NTNG1: variants seen among roughly 807,000 people sequenced by gnomAD.
NTNG1 encodes the protein netrin G1, also known as netrin-G1.
Under a neutral mutation model 54.0 loss-of-function variants are expected in NTNG1, and 16 were observed. That is an observed-to-expected ratio of 0.30 (90% CI 0.20 to 0.45). The LOEUF is 0.45. NTNG1 is among the 20% of genes least tolerant of loss of function. NTNG1 has a pLI of 1.00. For missense variants in NTNG1, 530 were observed against 678.7 expected (o/e 0.78, Z 2.43); for synonymous variants, 255 against 263.1 (o/e 0.97, Z 0.30).
chr1:107,266,656 A>G (rs941208951), intron 2 of NTNG1, among the ~76,000 whole-genome samples: 27 of 150,986 alleles, frequency 1.8e-4, no homozygotes, highest in Admixed American at 5.9e-4. Context: ...TGTTACAACT[A>G]CATAACCTGG....
At chr1:107,478,876 C>G (rs1311309785) in intron 7 of NTNG1, among the ~76,000 whole-genome samples, 7 of 152,244 alleles carry the variant, frequency 4.6e-5, no homozygotes, top group Admixed American at 4.6e-4. Context: ...GACCATGAGG[C>G]TAACCACCCT....
At chr1:107,357,213 T>C (rs1005978754) in intron 3 of NTNG1, among the ~76,000 whole-genome samples, 2 of 152,178 alleles carry the variant, frequency 1.3e-5, no homozygotes, top group Admixed American at 6.5e-5. Flanking sequence ...TTATGCCCTA[T>C]AGTATATGAG....
intron 1 of NTNG1, chr1:107,141,347 CGGGCTCCGCTGCTGCGGCCGCCGCCCGA>C (rs1653672229): frequency 6.7e-6 from 1 of 149,874 alleles, no homozygotes; most frequent in South Asian, 2.1e-4. Flanking sequence ...ACGCCGCCCG[CGGGCTCCGCTGCTGCGGCCGCCGCCCGA>C]GGCGGACCAG....
chr1:107,482,963 T>C lies in NTNG1; in HGVS notation c.*2123T>C, dbSNP rs1678817642. On this transcript the variant is annotated 3_prime_UTR_variant, in exon 8 of 8. Coordinates refer to ENST00000370068, the MANE Select transcript of NTNG1 (RefSeq NM_001113226.3). ...AGAAATAAGGAAAGATGGAAATAAA[T>C]TAGAGCTTAGGCTTAGTGCCAGAGT... 6.6e-6 allele frequency: 1 copy of C among 152,156 alleles called. No homozygotes were observed. The highest frequency in any genetic ancestry group is 1.9e-4 in the East Asian group (1 of 5,202). 9.4% of individuals were successfully genotyped at this position (152,156 alleles called of 1,614,324 possible).
At chr1:107,459,634 G>A (rs1020895411) in intron 7 of NTNG1, among the ~76,000 whole-genome samples, 2 of 152,116 alleles carry the variant, frequency 1.3e-5, no homozygotes. Context: ...ACAGGTTGGG[G>A]GAGGACTTAG....
intron 3 of NTNG1, among the ~76,000 whole-genome samples, chr1:107,370,828 A>T (rs1231440490): frequency 1.3e-5 from 2 of 152,010 alleles, no homozygotes; most frequent in Non-Finnish European, 2.9e-5. Flanking sequence ...ATTTAATCGT[A>T]AGTATTTTAT....
intron 3 of NTNG1, among the ~76,000 whole-genome samples, chr1:107,333,052 A>C (rs555539232): frequency 6.6e-6 from 1 of 152,020 alleles, no homozygotes; most frequent in South Asian, 2.1e-4. Context: ...CACAAACCCT[A>C]CTGGTCCAGA....
chr1:107,189,926 T>C (rs1272062386), intron 2 of NTNG1, among the ~76,000 whole-genome samples: 2 of 152,114 alleles, frequency 1.3e-5, no homozygotes, highest in African/African-American at 4.8e-5. Context: ...CAAATATCCA[T>C]TGACAGATGA....
intron 2 of NTNG1, among the ~76,000 whole-genome samples, chr1:107,170,397 T>A (rs1358459637): frequency 2.0e-5 from 3 of 152,272 alleles, no homozygotes; most frequent in African/African-American, 7.2e-5. Context: ...ATTATTTTAT[T>A]TATCTTTATG....
chr1:107,207,881 G>T (rs1282702173), intron 2 of NTNG1, among the ~76,000 whole-genome samples: 1 of 152,098 alleles, frequency 6.6e-6, no homozygotes. Context: ...ACATGCCATG[G>T]ACTTAAACAT....
chr1:107,150,687 C>T (rs747044974), intron 2 of NTNG1, among the ~76,000 whole-genome samples: 2 of 152,144 alleles, frequency 1.3e-5, no homozygotes, highest in East Asian at 1.9e-4. Flanking sequence ...TGATCTCAGT[C>T]TCTGGCCAGA....
intron 3 of NTNG1, among the ~76,000 whole-genome samples, chr1:107,384,362 A>G (rs1209247315): frequency 6.6e-6 from 1 of 152,128 alleles, no homozygotes; most frequent in Non-Finnish European, 1.5e-5. Flanking sequence ...AAGATGTCTA[A>G]CTCATTTATT....
intron 2 of NTNG1, among the ~76,000 whole-genome samples, chr1:107,287,085 A>C (rs1665246794): frequency 6.6e-6 from 1 of 152,162 alleles, no homozygotes; most frequent in Non-Finnish European, 1.5e-5. Context: ...TTTCATATGT[A>C]GTATACCTAT....
intron 7 of NTNG1, among the ~76,000 whole-genome samples, chr1:107,475,953 T>G (rs1275617397): frequency 6.6e-6 from 1 of 152,212 alleles, no homozygotes; most frequent in Non-Finnish European, 1.5e-5. Flanking sequence ...TACTTTAGAC[T>G]GACATCCAAA....
intron 4 of NTNG1, among the ~76,000 whole-genome samples, chr1:107,396,095 T>C (rs1452608248): frequency 2.6e-5 from 4 of 152,168 alleles, no homozygotes; most frequent in Non-Finnish European, 5.9e-5. Flanking sequence ...ATTCCATGGA[T>C]GGACCAATTA....
chr1:107,324,274 T>G lies in NTNG1; in HGVS notation c.247-8T>G. On this transcript the variant is annotated splice_region_variant and splice_polypyrimidine_tract_variant and intron_variant, in intron 2 of 7. Coordinates refer to ENST00000370068, the MANE Select transcript of NTNG1 (RefSeq NM_001113226.3). ...TTTGATGCACGCTCTTTTGTTCTTC[T>G]TCCATAGGGCAATCCCTACATGTGC... 2 of 1,608,930 alleles carry G rather than the reference T, an allele frequency of 1.2e-6. No homozygotes were observed. Among genetic ancestry groups the G allele is most frequent in the South Asian group, 2.2e-5 (2 of 90,876 alleles).
intron 2 of NTNG1, among the ~76,000 whole-genome samples, chr1:107,238,736 C>T (rs1334009470): frequency 6.6e-6 from 1 of 151,922 alleles, no homozygotes; most frequent in Non-Finnish European, 1.5e-5. Flanking sequence ...TCCTACTTGC[C>T]TTTCACCCTG....
intron 3 of NTNG1, among the ~76,000 whole-genome samples, chr1:107,372,525 G>A (rs1015997715): frequency 6.6e-6 from 1 of 151,952 alleles, no homozygotes; most frequent in East Asian, 1.9e-4. Flanking sequence ...TATAATCAGA[G>A]AACATACATT....
chr1:107,367,370 T>A (rs144138400), intron 3 of NTNG1, among the ~76,000 whole-genome samples: 2,379 of 152,300 alleles, frequency 0.016, 33 homozygotes, highest in South Asian at 0.051. Flanking sequence ...ATCTTCTGAA[T>A]GTCTGACACC....
Sources: allele counts gnomAD v4.1 joint callset (sites outside exome capture counted in the v4.1 genomes callset), GRCh38; gene constraint gnomAD v4.1.1; transcripts MANE v1.5; gene names NCBI Gene and HGNC (gene_info 2026-07-23, HGNC 2026-07-21).